The following COQ10A variants were observed in gnomAD, a reference collection of about 807,000 sequenced individuals.
COQ10A encodes coenzyme Q10A, also known as coenzyme Q-binding protein COQ10 homolog A, mitochondrial.
COQ10A carries 25 observed loss-of-function variants against 26.1 expected under a neutral mutation model. The ratio of observed to expected loss-of-function variants is 0.96; its 90% CI spans 0.70 to 1.34. The LOEUF is 1.34. Ranked by LOEUF, COQ10A falls within the 40% of genes most tolerant of loss-of-function variation. The pLI is 0.00. For synonymous variants in COQ10A, 132 were observed against 124.0 expected (o/e 1.06, Z -0.43); for missense variants, 312 against 335.4 (o/e 0.93, Z 0.54).
At chr12:56,267,659 G>C in intron 1 of COQ10A, 135 bp from the exon 2 acceptor site, 2 of 1,303,740 alleles carry the variant, frequency 1.5e-6, no homozygotes, top group Non-Finnish European at 2.2e-6. Context: ...AGAGCCTAGC[G>C]GGCTGCAGCA....
Position 56,270,461 on chromosome 12 carries a change from C to A in COQ10A, c.*144C>A. The A allele has an allele frequency of 1.2e-6, 1 of 851,934 alleles. No homozygotes were observed. Among genetic ancestry groups the A allele is most frequent in the Non-Finnish European group, 1.8e-6 (1 of 563,568 alleles). The allele number at this position is 851,934 out of a possible 1,614,324, so 52.8% of individuals were successfully genotyped here. ...CTCTCAATTTCCCAGAAATTGGGTT[C>A]TATGCTGGCTGGAAATGTTGGGGGA... is the stretch of plus-strand genomic sequence containing the variant. On this transcript the variant is annotated 3_prime_UTR_variant, in exon 5 of 5. Transcript: ENST00000308197.
chr12:56,267,445 A>C (rs748559990), intron 1 of COQ10A, 193 bp downstream of exon 1: 2 of 1,613,750 alleles, frequency 1.2e-6, no homozygotes, highest in Non-Finnish European at 1.7e-6. Context: ...TGAGTGTCCA[A>C]CCTCTTCTTG....
In COQ10A at chr12:56,267,856, G is replaced by C; in HGVS notation, c.197G>C (p.Gly66Ala). 6.2e-7 allele frequency: 1 copy of C among 1,614,144 alleles called. No individual in the cohort carries two copies. Among genetic ancestry groups the C allele is most frequent in the South Asian group, 1.1e-5 (1 of 91,078 alleles). Residue 66 changes from glycine to alanine, a missense_variant, in exon 2 of 5, where the codon GGC (glycine) becomes GCC (alanine). Coordinates refer to ENST00000308197, the MANE Select transcript of COQ10A (RefSeq NM_144576.4). ...RAAQILAAEAGLPSSRSFMGF... is the reference protein window; with the variant it reads ...RAAQILAAEAALPSSRSFMGF... ...GCCCAGATCTTGGCGGCTGAGGCTG[G>C]CTTACCTTCGAGCCGTTCCTTCATG...
chr12:56,267,904 A>G lies in COQ10A; in HGVS notation c.245A>G (p.Asn82Ser), dbSNP rs973256130. Residue 82 changes from asparagine (N) to serine (S), a missense_variant, in exon 2 of 5, where the codon AAC becomes AGC. Physicochemically the swap from Asn to Ser is conservative, Grantham distance 46. Transcript: ENST00000308197. ...SFMGFAAPFT[N>S]KRKAYSERRI... ...ATGGGATTTGCTGCTCCCTTCACCA[A>G]CAAGCGAAAGGCTTACTCGGAGCGT... 3.7e-6 allele frequency: 6 copies of G among 1,613,864 alleles called. No homozygotes were observed. The African/African-American group carries it at 6.7e-5, about 18-fold the overall frequency.
At chr12:56,267,662 C>G (rs761413780) in intron 1 of COQ10A, 132 bp from the exon 2 acceptor site, 1 of 1,320,006 alleles carries the variant, frequency 7.6e-7, no homozygotes, top group African/African-American at 1.4e-5. Context: ...GCCTAGCGGG[C>G]TGCAGCAGGT....
Position 56,267,165 on chromosome 12 carries a change from C to T in COQ10A, c.47C>T (p.Ala16Val). The change falls in exon 1 of 5, where the codon GCA becomes GTA. Residue 16 changes from alanine to valine, a missense_variant. Coordinates refer to ENST00000308197, the MANE Select transcript of COQ10A (RefSeq NM_144576.4). ...SRRVPAGTRA[A>V]AERCCRLSLS... ...CGGGTCCCAGCTGGGACGCGCGCGG[C>T]AGCCGAGCGCTGCTGCCGGCTCTCG... is the stretch of plus-strand genomic sequence containing the variant. 1 of 1,341,952 alleles carries T rather than the reference C, an allele frequency of 7.5e-7. No homozygotes were observed. The highest frequency in any genetic ancestry group is 9.5e-7 in the Non-Finnish European group (1 of 1,053,180). The allele number at this position is 1,341,952 out of a possible 1,614,324, so 83.1% of individuals were successfully genotyped here.
At position 56,269,520 on chromosome 12, in the gene COQ10A, G is replaced by T. The variant is rs1479610877; in HGVS notation, c.535G>T (p.Gly179Cys). The change falls in exon 4 of 5, where the codon GGT (glycine) becomes TGT (cysteine). Residue 179 changes from glycine (G) to cysteine (C), a missense_variant. Gly to Cys is a radical substitution (Grantham distance 159). Coordinates refer to ENST00000308197, the MANE Select transcript of COQ10A (RefSeq NM_144576.4). The part of the protein sequence containing the change: ...HLETIWRFSP[G>C]IPAYPRTCTV... The stretch of plus-strand genomic sequence containing the variant: ...AGAGACTATTTGGCGATTCAGCCCT[G>T]GTATTCCTGCCTATCCTCGAACCTG... 6.2e-7 allele frequency: 1 copy of T among 1,614,142 alleles called. No homozygotes were observed. Among genetic ancestry groups the T allele is most frequent in the South Asian group, 1.1e-5 (1 of 91,082 alleles).
chr12:56,270,366 A>G lies in COQ10A; in HGVS notation c.*49A>G, dbSNP rs775219636. 5 of 1,553,684 alleles carry G rather than the reference A, an allele frequency of 3.2e-6. No homozygotes were observed. The East Asian group carries it at 9.2e-5, about 29-fold the overall frequency. On this transcript the variant is annotated 3_prime_UTR_variant, in exon 5 of 5. Transcript: ENST00000308197. ...CCCTTCTACCCCACTTCCCTACACAATTCTCTTATTTATTTGGTTTGGCTC... is the reference window on the plus strand; with the variant it reads ...CCCTTCTACCCCACTTCCCTACACAGTTCTCTTATTTATTTGGTTTGGCTC...
intron 3 of COQ10A, 94 bp downstream of exon 3, chr12:56,269,345 T>C (rs1592402685): frequency 6.8e-7 from 1 of 1,468,812 alleles, no homozygotes; most frequent in East Asian, 2.3e-5. Context: ...GTACTTTATG[T>C]CCATGTGTCA....
At chr12:56,267,675 TG>T (rs770806819) in intron 1 of COQ10A, 118 bp from the exon 2 acceptor site, 16 of 1,412,980 alleles carry the variant, frequency 1.1e-5, no homozygotes, top group South Asian at 9.2e-5. Flanking sequence ...CAGCAGGTGC[TG>T]GGGGGAAAGC....
chr12:56,267,616 C>A, intron 1 of COQ10A, 178 bp from the exon 2 acceptor site: 1 of 1,156,388 alleles, frequency 8.6e-7, no homozygotes, highest in Non-Finnish European at 1.3e-6. Flanking sequence ...TAGCTGCCCT[C>A]GACCTTTTGC....
Position 56,269,095 on chromosome 12 carries a change from C to A in COQ10A, c.318C>A (p.Asn106Lys). The stretch of plus-strand genomic sequence containing the variant: ...AGGAGATGTATGAGGTGGTGTCCAA[C>A]GTCCAGGAGTATCGTGAGTTTGTGC... ...SMQEMYEVVS[N>K]VQEYREFVPW... The change falls in exon 3 of 5, where the codon AAC becomes AAA. Residue 106 changes from asparagine (N) to lysine (K), a missense_variant. Transcript: ENST00000308197. 2 of 1,613,998 alleles carry A rather than the reference C, an allele frequency of 1.2e-6. No individual in the cohort carries two copies. The highest frequency in any genetic ancestry group is 1.7e-6 in the Non-Finnish European group (2 of 1,180,008).
chr12:56,267,208 AC>A lies in COQ10A; in HGVS notation c.92del (p.Pro31ArgfsTer14). Reference sequence around the variant, plus strand: ...GGCTCTCGCTCAGCCCGGGCGCGCAACCGGCCCCGCCCCCAGGCCCTCTGCC... The same window carrying A: ...GGCTCTCGCTCAGCCCGGGCGCGCAACGGCCCCGCCCCCAGGCCCTCTGCC... ...CRLSLSPGAQ[P>X]APPPGPLPPP... On this transcript the variant is annotated frameshift_variant, in exon 1 of 5. Coordinates refer to ENST00000308197, the MANE Select transcript of COQ10A (RefSeq NM_144576.4). LOFTEE classifies it high-confidence loss of function. 1 of 1,422,852 alleles carries A rather than the reference AC, an allele frequency of 7.0e-7. No homozygotes were observed. The highest frequency in any genetic ancestry group is 9.2e-7 in the Non-Finnish European group (1 of 1,091,150). The allele number at this position is 1,422,852 out of a possible 1,614,324, so 88.1% of individuals were successfully genotyped here. A position where few individuals can be genotyped will look rare whatever the true frequency, so the allele number is the denominator to read the frequency against.
rs995935412 is a variant in COQ10A at position 56,267,015 on chromosome 12, A to G, written c.-104A>G. On this transcript the variant is annotated 5_prime_UTR_variant, in exon 1 of 5. Coordinates refer to ENST00000308197, the MANE Select transcript of COQ10A (RefSeq NM_144576.4). ...GCCGCCTCCCGTCGCCCCTGCGCTC[A>G]GAGGTCCCGAACCAGCCCAGCCGCT... The G allele has an allele frequency of 8.7e-7, 1 of 1,151,584 alleles. No individual in the cohort carries two copies. Among genetic ancestry groups the G allele is most frequent in the Non-Finnish European group, 1.1e-6 (1 of 925,170 alleles). The allele number at this position is 1,151,584 out of a possible 1,614,324, so 71.3% of individuals were successfully genotyped here.
chr12:56,269,453 A>C lies in COQ10A; in HGVS notation c.475-7A>C, dbSNP rs915615797. 1.2e-6 allele frequency: 2 copies of C among 1,609,396 alleles called. No individual in the cohort carries two copies. Among genetic ancestry groups the C allele is most frequent in the Admixed American group, 3.3e-5 (2 of 59,994 alleles). On this transcript the variant is annotated splice_polypyrimidine_tract_variant and splice_region_variant and intron_variant, in intron 3 of 4. Transcript: ENST00000308197. ...TGTTATTTAACTACCTGATTACCCTATTCTAGGCTGTTTGTACTGATGGCA... is the reference window on the plus strand; with the variant it reads ...TGTTATTTAACTACCTGATTACCCTCTTCTAGGCTGTTTGTACTGATGGCA...
Position 56,270,354 on chromosome 12 carries a change from C to T in COQ10A, c.*37C>T. ...GCTCCCTGACCTCCCTTCTACCCCA[C>T]TTCCCTACACAATTCTCTTATTTAT... On this transcript the variant is annotated 3_prime_UTR_variant, in exon 5 of 5. Transcript: ENST00000308197. The T allele has an allele frequency of 1.3e-6, 2 of 1,581,136 alleles. No homozygotes were observed. The highest frequency in any genetic ancestry group is 1.7e-6 in the Non-Finnish European group (2 of 1,156,870).
At chr12:56,270,065 G>A (rs1872467620) in intron 4 of COQ10A, 85 bp from the exon 5 acceptor site, 6 of 1,369,320 alleles carry the variant, frequency 4.4e-6, no homozygotes, top group Non-Finnish European at 6.1e-6. Flanking sequence ...GGGAGAAAAG[G>A]CACTGAGGAA....
At chr12:56,267,597 C>T in intron 1 of COQ10A, 197 bp from the exon 2 acceptor site, 1 of 1,155,956 alleles carries the variant, frequency 8.7e-7, no homozygotes, top group East Asian at 2.3e-5. Context: ...CCGCCCCCAG[C>T]CCTGTCCTTA....
chr12:56,269,711 TCCA>T (rs1361167301), intron 4 of COQ10A, 150 bp downstream of exon 4: 1 of 663,956 alleles, frequency 1.5e-6, no homozygotes, highest in East Asian at 2.8e-5. Context: ...CACTGCAACC[TCCA>T]CCTTCTGGGT....
Sources: gnomAD v4.1 joint callset for allele counts on GRCh38, gnomAD v4.1.1 for gene constraint, MANE v1.5 for transcripts, NCBI Gene and HGNC (gene_info 2026-07-23, HGNC 2026-07-21) for gene names.